ERCC6L2: variants seen among roughly 807,000 people sequenced by gnomAD.
ERCC6L2 encodes DNA excision repair protein ERCC-6-like 2.
Under a neutral mutation model 132.0 loss-of-function variants are expected in ERCC6L2, and 77 were observed. The observed-to-expected ratio is 0.58, with a 90% confidence interval of 0.49 to 0.71. The LOEUF (loss-of-function observed/expected upper bound fraction) is 0.71. Ranked by LOEUF, ERCC6L2 falls within the 30% of genes least tolerant of loss-of-function variation. The pLI is 0.00. For synonymous variants in ERCC6L2, 583 were observed against 632.4 expected (o/e 0.92, Z 1.17); for missense variants, 1,542 against 1,837.6 (o/e 0.84, Z 2.94).
At chr9:95,993,929 A>G (rs1016606327) in intron 17 of ERCC6L2, among the ~76,000 whole-genome samples, 2 of 152,124 alleles carry the variant, frequency 1.3e-5, no homozygotes, top group Admixed American at 6.5e-5. Flanking sequence ...ATTTGACTCT[A>G]TGTATATTTG....
chr9:95,901,632 G>A (rs911995677), intron 3 of ERCC6L2, among the ~76,000 whole-genome samples: 2 of 152,318 alleles, frequency 1.3e-5, no homozygotes, highest in South Asian at 2.1e-4. Context: ...GTGTAGGGCG[G>A]ATTGCTCAGT....
At chr9:95,908,595 G>C (rs907738614) in intron 4 of ERCC6L2, among the ~76,000 whole-genome samples, 1 of 152,178 alleles carries the variant, frequency 6.6e-6, no homozygotes, top group Admixed American at 6.5e-5. Flanking sequence ...GACCATGGTA[G>C]TGAGGTCTGA....
chr9:95,930,630 T>TA (rs35002431), intron 11 of ERCC6L2, among the ~76,000 whole-genome samples: 1 of 152,238 alleles, frequency 6.6e-6, no homozygotes, highest in Non-Finnish European at 1.5e-5. Context: ...TTTGCTATTT[T>TA]AAAATTATTT....
chr9:95,914,966 A>T (rs1315740527), intron 4 of ERCC6L2, among the ~76,000 whole-genome samples: 8 of 151,786 alleles, frequency 5.3e-5, no homozygotes, highest in Non-Finnish European at 1.2e-4. Context: ...GTTTAAATTC[A>T]TTTTTTTCAT....
At chr9:95,952,841 A>T (rs1228042948) in intron 12 of ERCC6L2, among the ~76,000 whole-genome samples, 3 of 71,250 alleles carry the variant, frequency 4.2e-5, no homozygotes, top group East Asian at 5.6e-4. Flanking sequence ...CCGTCTCAAT[A>T]AAAAAAAAAA....
intron 17 of ERCC6L2, among the ~76,000 whole-genome samples, chr9:95,997,702 A>G (rs761792163): frequency 6.6e-6 from 1 of 152,210 alleles, no homozygotes; most frequent in African/African-American, 2.4e-5. Context: ...TCCTATTCCA[A>G]ATCATTTTAC....
At chr9:95,962,747 A>G (rs531270046) in intron 13 of ERCC6L2, among the ~76,000 whole-genome samples, 1 of 152,304 alleles carries the variant, frequency 6.6e-6, no homozygotes, top group Admixed American at 6.5e-5. Flanking sequence ...TGTATGAAGT[A>G]TGTTCCTCTA....
intron 17 of ERCC6L2, among the ~76,000 whole-genome samples, chr9:96,001,322 C>T (rs1191698928): frequency 2.0e-5 from 3 of 152,150 alleles, no homozygotes; most frequent in Admixed American, 6.5e-5. Flanking sequence ...CCACCCACAT[C>T]CTGCTGATTG....
At chr9:95,909,795 C>A (rs1211334429) in intron 4 of ERCC6L2, among the ~76,000 whole-genome samples, 1 of 152,030 alleles carries the variant, frequency 6.6e-6, no homozygotes, top group African/African-American at 2.4e-5. Flanking sequence ...CATATGTTTT[C>A]ATTTCTCTTG....
chr9:95,892,424 CTTTTT>C (rs532088236), intron 2 of ERCC6L2, among the ~76,000 whole-genome samples: 1 of 115,114 alleles, frequency 8.7e-6, no homozygotes, highest in Non-Finnish European at 1.8e-5. Flanking sequence ...GTGTATAAAT[CTTTTT>C]TTTTTTTTTT....
At chr9:95,939,875 T>G (rs1277216813) in intron 11 of ERCC6L2, among the ~76,000 whole-genome samples, 1 of 152,176 alleles carries the variant, frequency 6.6e-6, no homozygotes. Context: ...TCTTGGACAT[T>G]TTGAGTATTG....
chr9:95,928,709 T>A lies in ERCC6L2; in HGVS notation c.1606-10T>A, dbSNP rs1830206278. 6.3e-7 allele frequency: 1 copy of A among 1,592,970 alleles called. No homozygotes were observed. On this transcript the variant is annotated splice_polypyrimidine_tract_variant and intron_variant, in intron 10 of 18. Transcript: ENST00000653738. ...ATTCATGTTTGCCCATCTTCATACC[T>A]CTCGTCTAGTTGCTTGACGTGCTAC...
At chr9:95,918,435 C>A in intron 6 of ERCC6L2, 1 of 432,356 alleles carries the variant, frequency 2.3e-6, no homozygotes, top group Non-Finnish European at 4.6e-6. Flanking sequence ...CGAGAAGGGC[C>A]TCATAGCTAC....
chr9:95,928,902 A>T, intron 11 of ERCC6L2, 38 bp downstream of exon 11: 1 of 1,389,090 alleles, frequency 7.2e-7, no homozygotes, highest in Non-Finnish European at 9.6e-7. Flanking sequence ...TTTTTATCCA[A>T]TTGTTTTTGA....
At chr9:95,879,561 C>T (rs970978016) in intron 1 of ERCC6L2, among the ~76,000 whole-genome samples, 8 of 152,116 alleles carry the variant, frequency 5.3e-5, no homozygotes, top group Non-Finnish European at 1.0e-4. Flanking sequence ...TGGATCGAGG[C>T]TTTAGTTTGA....
chr9:95,982,146 G>T (rs1479418627), intron 17 of ERCC6L2, among the ~76,000 whole-genome samples: 2 of 152,120 alleles, frequency 1.3e-5, no homozygotes, highest in Non-Finnish European at 2.9e-5. Flanking sequence ...TTAATAGTAA[G>T]CCCCTCTTTA....
In ERCC6L2 at chr9:96,018,135, A is replaced by T. The variant is rs934036187; in HGVS notation, c.*4932A>T. On this transcript the variant is annotated 3_prime_UTR_variant, in exon 19 of 19. Coordinates refer to ENST00000653738, the MANE Select transcript of ERCC6L2 (RefSeq NM_020207.7). ...GGGTGTAGAGTTTCTGTTACACAGG[A>T]TGCAAAGTGGCCTGAAGATGGATGG... is the stretch of plus-strand genomic sequence containing the variant. 6.6e-6 allele frequency among the ~76,000 whole-genome samples: 1 copy of T among 152,220 alleles called. No individual in the cohort carries two copies. The highest frequency in any genetic ancestry group is 2.4e-5 in the African/African-American group (1 of 41,466).
intron 17 of ERCC6L2, among the ~76,000 whole-genome samples, chr9:96,003,780 G>T (rs1833770255): frequency 6.6e-6 from 1 of 152,200 alleles, no homozygotes; most frequent in Non-Finnish European, 1.5e-5. Context: ...TTGAGCTCCA[G>T]TGTAATTTTG....
At chr9:95,901,567 T>C (rs1828780203) in intron 3 of ERCC6L2, among the ~76,000 whole-genome samples, 1 of 152,166 alleles carries the variant, frequency 6.6e-6, no homozygotes, top group Non-Finnish European at 1.5e-5. Flanking sequence ...AGGTTCCTTC[T>C]AGGAAAAGTA....
Sources: gnomAD v4.1 joint callset for allele counts (sites outside exome capture counted in the v4.1 genomes callset) on GRCh38, gnomAD v4.1.1 for gene constraint, MANE v1.5 for transcripts, NCBI Gene and HGNC (gene_info 2026-07-23, HGNC 2026-07-21) for gene names.